SLC25A13: variants seen among roughly 807,000 people sequenced by gnomAD.
The protein encoded by SLC25A13 is electrogenic aspartate/glutamate antiporter SLC25A13, mitochondrial.
A neutral mutation model predicts 85.5 loss-of-function variants in SLC25A13; 70 were observed. The observed-to-expected ratio is 0.82, with a 90% confidence interval of 0.68 to 1.00. The LOEUF is 1.00. Ranked by LOEUF, SLC25A13 falls within the 50% of genes least tolerant of loss-of-function variation. The probability of loss-of-function intolerance (pLI) is 0.00; values close to 1 mark genes in which losing one functional copy is unlikely to be tolerated. For synonymous variants in SLC25A13, 259 were observed against 288.7 expected, an observed-to-expected ratio of 0.90 and a Z score of 1.04; for missense variants, 765 against 819.8, an observed-to-expected ratio of 0.93 and a Z score of 0.82.
intron 15 of SLC25A13, among the ~76,000 whole-genome samples, chr7:96,131,369 A>G (rs968185091): frequency 6.6e-6 from 1 of 151,866 alleles, no homozygotes; most frequent in Admixed American, 6.6e-5. Flanking sequence ...TTTATGCACT[A>G]TTTTTTTTAG....
rs150603708 is a variant in SLC25A13, at chr7:96,275,837, G to A, written c.212+1359C>T. ...ACCAACATGGCACATGTATACATAC[G>A]TAACTAACCCGCACATTGTGCACAT... On this transcript the variant is annotated intron_variant, in intron 3 of 17. Coordinates refer to ENST00000265631, the MANE Select transcript of SLC25A13 (RefSeq NM_014251.3). Among the ~76,000 whole-genome samples the A allele has an allele frequency of 4.7e-4, 71 of 152,210 alleles. 2 individuals carry two copies. In the East Asian group the frequency reaches 0.012, roughly 26 times the overall value.
In SLC25A13 at chr7:96,254,003, T is replaced by C. The variant is rs180699334; in HGVS notation, c.213-19086A>G. On this transcript the variant is annotated intron_variant, in intron 3 of 17. Coordinates refer to ENST00000265631, the MANE Select transcript of SLC25A13 (RefSeq NM_014251.3). The stretch of plus-strand genomic sequence containing the variant: ...CACACGACTAAGAGATAAAAGCAAC[T>C]GTGTGTGTGTGCTGTATGTGTGTGT... Among the ~76,000 whole-genome samples the C allele has an allele frequency of 7.3e-4, 111 of 152,210 alleles. 1 individual carries two copies. In the East Asian group the frequency reaches 0.018, roughly 25 times the overall value.
At chr7:96,213,623 T>G (rs1458934569) in intron 4 of SLC25A13, among the ~76,000 whole-genome samples, 1 of 152,170 alleles carries the variant, frequency 6.6e-6, no homozygotes, top group African/African-American at 2.4e-5. Context: ...ACCCAACATG[T>G]TTTAGCTTTT....
At chr7:96,266,219 C>G (rs931420033) in intron 3 of SLC25A13, among the ~76,000 whole-genome samples, 7 of 152,196 alleles carry the variant, frequency 4.6e-5, no homozygotes, top group African/African-American at 1.7e-4. Flanking sequence ...TCCTGGACTT[C>G]TGAAAAGTTC....
At chr7:96,175,289 C>T (rs777635543) in intron 11 of SLC25A13, among the ~76,000 whole-genome samples, 1 of 152,214 alleles carries the variant, frequency 6.6e-6, no homozygotes, top group Non-Finnish European at 1.5e-5. Context: ...AAGGCACCAA[C>T]ATCTTAAGGC....
At chr7:96,225,735 A>T (rs1796307562) in intron 4 of SLC25A13, among the ~76,000 whole-genome samples, 1 of 152,078 alleles carries the variant, frequency 6.6e-6, no homozygotes, top group African/African-American at 2.4e-5. Context: ...TTCAGTATTA[A>T]TGCATCTTTG....
intron 2 of SLC25A13, 112 bp from the exon 3 acceptor site, chr7:96,277,450 AT>A: frequency 2.0e-6 from 2 of 1,011,768 alleles, no homozygotes; most frequent in South Asian, 2.9e-5. Flanking sequence ...AATATCAGAT[AT>A]GATCATGTAC....
intron 14 of SLC25A13, among the ~76,000 whole-genome samples, chr7:96,146,307 A>C (rs551967025): frequency 6.6e-6 from 1 of 152,246 alleles, no homozygotes; most frequent in Non-Finnish European, 1.5e-5. Flanking sequence ...GCTGCACTGA[A>C]CAACTCTAGA....
intron 1 of SLC25A13, among the ~76,000 whole-genome samples, chr7:96,308,096 T>C (rs1180415719): frequency 6.9e-6 from 1 of 145,732 alleles, no homozygotes; most frequent in Non-Finnish European, 1.5e-5. Flanking sequence ...GAGGTTGCAG[T>C]GAGCCAAGAT....
intron 14 of SLC25A13, among the ~76,000 whole-genome samples, chr7:96,133,585 A>C (rs144736102): frequency 1.6e-4 from 25 of 152,324 alleles, no homozygotes; most frequent in African/African-American, 5.3e-4. Context: ...GTAACATCCA[A>C]TCCTTTTCTT....
chr7:96,259,627 C>T (rs1797769858), intron 3 of SLC25A13, among the ~76,000 whole-genome samples: 1 of 152,140 alleles, frequency 6.6e-6, no homozygotes, highest in African/African-American at 2.4e-5. Context: ...ATCACTTCAA[C>T]CATTGTGGAA....
intron 3 of SLC25A13, among the ~76,000 whole-genome samples, chr7:96,265,096 C>A (rs1258081239): frequency 6.6e-6 from 1 of 152,110 alleles, no homozygotes; most frequent in African/African-American, 2.4e-5. Flanking sequence ...CAAATCCCAA[C>A]AAGTAAAGTT....
At position 96,146,574 on chromosome 7, in the gene SLC25A13, C is replaced by T. The variant is rs146111714; in HGVS notation, c.1434G>A (p.Gly478=). The change falls in exon 14 of 18, where the codon GGG becomes GGA. Residue 478 remains glycine (G), a synonymous_variant. Coordinates refer to ENST00000265631, the MANE Select transcript of SLC25A13 (RefSeq NM_014251.3). ...AAGTTACCTTGTAGATCCCAAAAAA[C>T]CCCAGGTCCCGCACGACAGACAGAG... ...VSALSVVRDL[G]FFGIYKGAKA... is the part of the protein sequence containing the mutation. 1 of 1,613,168 alleles carries T rather than the reference C, an allele frequency of 6.2e-7. No individual in the cohort carries two copies. Among genetic ancestry groups the T allele is most frequent in the Admixed American group, 1.7e-5 (1 of 59,922 alleles).
intron 14 of SLC25A13, among the ~76,000 whole-genome samples, chr7:96,136,293 C>T (rs1007947423): frequency 2.0e-5 from 3 of 152,144 alleles, no homozygotes; most frequent in Admixed American, 6.5e-5. Flanking sequence ...GAGATTCTGG[C>T]GGCAGCATAT....
chr7:96,183,609 A>T (rs1199730687), intron 11 of SLC25A13, among the ~76,000 whole-genome samples: 2 of 152,222 alleles, frequency 1.3e-5, no homozygotes, highest in Admixed American at 6.5e-5. Flanking sequence ...CCTTCGGCCA[A>T]TGCCAGTGGA....
chr7:96,147,112 A>C (rs990833965), intron 13 of SLC25A13, among the ~76,000 whole-genome samples: 1 of 105,008 alleles, frequency 9.5e-6, no homozygotes, highest in Non-Finnish European at 2.2e-5. Flanking sequence ...GAACGTATCC[A>C]AATGAGGAGA....
At chr7:96,222,351 C>T (rs758961348) in intron 4 of SLC25A13, among the ~76,000 whole-genome samples, 3 of 152,180 alleles carry the variant, frequency 2.0e-5, no homozygotes, top group Non-Finnish European at 2.9e-5. Flanking sequence ...AGGGTGTAGA[C>T]TAGTTTCTTC....
At chr7:96,188,145 T>A (rs1303989813) in intron 9 of SLC25A13, among the ~76,000 whole-genome samples, 1 of 152,202 alleles carries the variant, frequency 6.6e-6, no homozygotes, top group Non-Finnish European at 1.5e-5. Flanking sequence ...GACGAAGAGA[T>A]AATCATCTCC....
intron 14 of SLC25A13, among the ~76,000 whole-genome samples, chr7:96,140,012 G>GC (rs1792459410): frequency 7.8e-6 from 1 of 128,228 alleles, no homozygotes; most frequent in East Asian, 2.3e-4. Flanking sequence ...AGGCTGGAGT[G>GC]CAGTGGCGGG....
Sources: allele counts gnomAD v4.1 joint callset (sites outside exome capture counted in the v4.1 genomes callset), GRCh38; gene constraint gnomAD v4.1.1; transcripts MANE v1.5; gene names NCBI Gene and HGNC (gene_info 2026-07-23, HGNC 2026-07-21).